The following SLC35D2 variants were observed in gnomAD, a reference collection of about 807,000 sequenced individuals.
SLC35D2 encodes solute carrier family 35 member D2.
A neutral mutation model predicts 41.8 loss-of-function variants in SLC35D2; 43 were observed. The ratio of observed to expected loss-of-function variants is 1.03; its 90% CI spans 0.81 to 1.33. The LOEUF (loss-of-function observed/expected upper bound fraction) is 1.33. Ranked by LOEUF, SLC35D2 falls within the 40% of genes most tolerant of loss-of-function variation. The pLI is 0.00. For missense variants in SLC35D2, 380 were observed against 408.4 expected, an observed-to-expected ratio of 0.93 and a Z score of 0.60; for synonymous variants, 150 against 163.9, an observed-to-expected ratio of 0.92 and a Z score of 0.65.
intron 9 of SLC35D2, among the ~76,000 whole-genome samples, chr9:96,324,575 C>A (rs1295631670): frequency 1.0e-5 from 1 of 97,888 alleles, no homozygotes; most frequent in Non-Finnish European, 2.1e-5. Context: ...TTGGTGGGGA[C>A]GGAGTCTCGC....
chr9:96,330,792 G>C lies in SLC35D2; in HGVS notation c.752+5925C>G, dbSNP rs373246258. Among the ~76,000 whole-genome samples the C allele has an allele frequency of 1.4e-4, 21 of 152,314 alleles. No homozygotes were observed. In the East Asian group the frequency reaches 3.9e-3, roughly 28 times the overall value. On this transcript the variant is annotated intron_variant, in intron 9 of 11. Transcript: ENST00000253270. ...TCCTCAATAGATAGCTGCAAAGAGAGAGGGCCACACATCTCCCCAGGTGGC... is the reference window on the plus strand; with the variant it reads ...TCCTCAATAGATAGCTGCAAAGAGACAGGGCCACACATCTCCCCAGGTGGC...
chr9:96,322,695 T>C (rs903616080), intron 10 of SLC35D2, among the ~76,000 whole-genome samples: 23 of 150,194 alleles, frequency 1.5e-4, no homozygotes, highest in African/African-American at 5.7e-4. Flanking sequence ...TTTACTATCA[T>C]TGGGTAGTGA....
At chr9:96,380,405 A>G (rs1831146695) in intron 1 of SLC35D2, among the ~76,000 whole-genome samples, 1 of 151,814 alleles carries the variant, frequency 6.6e-6, no homozygotes, top group Admixed American at 6.6e-5. Flanking sequence ...CATTGACATA[A>G]TGACTGGCCA....
At chr9:96,350,421 T>C (rs752398759) in intron 6 of SLC35D2, among the ~76,000 whole-genome samples, 11 of 138,926 alleles carry the variant, frequency 7.9e-5, no homozygotes, top group Non-Finnish European at 1.7e-4. Flanking sequence ...CTCAAACTCA[T>C]GGGCTCAGGT....
chr9:96,370,276 A>G (rs74661003), intron 1 of SLC35D2, among the ~76,000 whole-genome samples: 1 of 152,176 alleles, frequency 6.6e-6, no homozygotes, highest in Non-Finnish European at 1.5e-5. Context: ...ACTTCCTAAC[A>G]TATTTCCTAC....
chr9:96,325,544 G>A (rs757209231), intron 9 of SLC35D2, among the ~76,000 whole-genome samples: 5 of 152,172 alleles, frequency 3.3e-5, no homozygotes, highest in Admixed American at 6.5e-5. Flanking sequence ...TTAGCCGGGC[G>A]TGGCGGCACA....
chr9:96,321,810 G>A (rs542427410), intron 11 of SLC35D2, among the ~76,000 whole-genome samples, 188 bp downstream of exon 11: 27 of 152,284 alleles, frequency 1.8e-4, no homozygotes, highest in African/African-American at 5.5e-4. Flanking sequence ...GCCATCACAC[G>A]TGTCCCCATG....
rs1564108172 is a variant in SLC35D2 at position 96,351,182 on chromosome 9, T to C, written c.420-11A>G. 1.9e-6 allele frequency: 3 copies of C among 1,574,124 alleles called. No homozygotes were observed. Among genetic ancestry groups the C allele is most frequent in the Admixed American group, 1.7e-5 (1 of 59,874 alleles). On this transcript the variant is annotated splice_polypyrimidine_tract_variant and intron_variant, in intron 5 of 11. Transcript: ENST00000253270. ...AGTGAATACTGCTTCCTGTAATAAA[T>C]ACACAAATAAGAAAGGAAAGGGAGC...
intron 6 of SLC35D2, among the ~76,000 whole-genome samples, chr9:96,346,590 AT>A (rs1218253045): frequency 1.3e-5 from 2 of 152,198 alleles, no homozygotes; most frequent in East Asian, 3.8e-4. Context: ...GCTCAAAATA[AT>A]CCTGATCTCA....
Position 96,322,071 on chromosome 9 carries a change from C to T in SLC35D2, c.841G>A (p.Val281Ile), listed in dbSNP as rs768079373. The T allele has an allele frequency of 1.8e-5, 28 of 1,589,680 alleles. No homozygotes were observed. The highest frequency in any genetic ancestry group is 2.7e-5 in the African/African-American group (2 of 74,218). ...CCGATTAATATCCCAATGTAGGCAA[C>T]GGATACATTCTGCAGAAAAAGAGAG... ...AVVGAIKNVS[V>I]AYIGILIGGD... The change falls in exon 11 of 12, where the codon GTT becomes ATT. Residue 281 changes from valine (V) to isoleucine (I), a missense_variant. Physicochemically the swap from Val to Ile is conservative, Grantham distance 29. Coordinates refer to ENST00000253270, the MANE Select transcript of SLC35D2 (RefSeq NM_007001.3).
intron 9 of SLC35D2, among the ~76,000 whole-genome samples, chr9:96,327,372 G>A (rs1473576447): frequency 6.6e-6 from 1 of 151,914 alleles, no homozygotes. Flanking sequence ...GATGTGTGTC[G>A]TCACACCCAG....
chr9:96,372,302 T>C (rs1352401076), intron 1 of SLC35D2, among the ~76,000 whole-genome samples: 1 of 152,162 alleles, frequency 6.6e-6, no homozygotes, highest in Admixed American at 6.5e-5. Context: ...ACAAAACAAC[T>C]GGTCCAGGCT....
chr9:96,339,814 T>C (rs1035134373), intron 8 of SLC35D2, among the ~76,000 whole-genome samples: 5 of 152,200 alleles, frequency 3.3e-5, no homozygotes, highest in South Asian at 2.1e-4. Context: ...TCATCAGAGA[T>C]AGAATTGAGG....
intron 1 of SLC35D2, among the ~76,000 whole-genome samples, chr9:96,373,472 A>C (rs1830796546): frequency 6.6e-6 from 1 of 152,066 alleles, no homozygotes; most frequent in African/African-American, 2.4e-5. Flanking sequence ...GCGGATCACG[A>C]GGTCAGGAGT....
chr9:96,361,514 G>A (rs371541205), intron 3 of SLC35D2, among the ~76,000 whole-genome samples: 8 of 151,936 alleles, frequency 5.3e-5, no homozygotes, highest in East Asian at 1.9e-4. Flanking sequence ...TAGTGAGACC[G>A]TCTCTACAAA....
intron 6 of SLC35D2, among the ~76,000 whole-genome samples, chr9:96,345,672 A>T (rs1465264052): frequency 6.6e-6 from 1 of 152,182 alleles, no homozygotes; most frequent in East Asian, 1.9e-4. Flanking sequence ...TCGCTAGCTG[A>T]TGAATCCACA....
chr9:96,333,379 G>A (rs1340762093), intron 9 of SLC35D2, among the ~76,000 whole-genome samples: 2 of 151,076 alleles, frequency 1.3e-5, no homozygotes, highest in Non-Finnish European at 3.0e-5. Flanking sequence ...GGTGGACCAC[G>A]AGGTCAGGAG....
At chr9:96,360,644 A>G (rs1010972184) in intron 3 of SLC35D2, among the ~76,000 whole-genome samples, 8 of 149,998 alleles carry the variant, frequency 5.3e-5, no homozygotes, top group Non-Finnish European at 8.9e-5. Flanking sequence ...AAAAAAAAAA[A>G]AAAAAAAAAA....
intron 7 of SLC35D2, among the ~76,000 whole-genome samples, chr9:96,344,557 C>CAGAGCAGAAAAAAAAAAAAAAAAAA (rs1829484681): frequency 4.1e-5 from 1 of 24,190 alleles, no homozygotes; most frequent in Non-Finnish European, 8.1e-5. Context: ...AAAAAAAAAA[C>CAGAGCAGAAAAAAAAAAAAAAAAAA]AGAGCAGATA....
Sources: gnomAD v4.1 joint callset for allele counts (sites outside exome capture counted in the v4.1 genomes callset) on GRCh38, gnomAD v4.1.1 for gene constraint, MANE v1.5 for transcripts, NCBI Gene and HGNC (gene_info 2026-07-23, HGNC 2026-07-21) for gene names.